The following OSBPL6 variants were observed in gnomAD, a reference collection of about 807,000 sequenced individuals.
The protein encoded by OSBPL6 is oxysterol binding protein like 6, also known as oxysterol-binding protein-related protein 6.
OSBPL6 carries 49 observed loss-of-function variants against 125.8 expected under a neutral mutation model. The observed-to-expected ratio is 0.39, with a 90% confidence interval of 0.31 to 0.49. The LOEUF is 0.49. Among genes scored for constraint, OSBPL6 ranks in the 20% least tolerant of loss-of-function variants. The pLI, the probability that OSBPL6 is intolerant of heterozygous loss-of-function variation, is 0.88. For synonymous variants in OSBPL6, 394 were observed against 391.8 expected, an observed-to-expected ratio of 1.01 and a Z score of -0.07; for missense variants, 986 against 1,135.4, an observed-to-expected ratio of 0.87 and a Z score of 1.89.
chr2:178,344,268 T>G lies in OSBPL6; in HGVS notation c.987+4504T>G, dbSNP rs1559271279. ...CCCCGTCCTGTGTTTCCTCCCCTCT[T>G]CTCCCATTCACCGTCAGGAAGGGCC... On this transcript the variant is annotated intron_variant, in intron 11 of 24. Coordinates refer to ENST00000190611, the MANE Select transcript of OSBPL6 (RefSeq NM_032523.4). The G allele has an allele frequency of 3.1e-6, 5 of 1,609,920 alleles. No individual in the cohort carries two copies. In the South Asian group the frequency reaches 5.5e-5, roughly 18 times the overall value.
intron 3 of OSBPL6, among the ~76,000 whole-genome samples, chr2:178,309,996 C>T (rs961959931): frequency 2.6e-5 from 4 of 152,124 alleles, no homozygotes; most frequent in Non-Finnish European, 5.9e-5. Flanking sequence ...TTAAGGACAC[C>T]GATAAGTCCC....
intron 2 of OSBPL6, among the ~76,000 whole-genome samples, chr2:178,302,590 T>TA (rs1044979152): frequency 5.9e-5 from 9 of 152,058 alleles, no homozygotes; most frequent in Admixed American, 1.3e-4. Context: ...CCCTTTCTGT[T>TA]AAAAAAAATA....
At chr2:178,346,833 C>T (rs980141356) in intron 11 of OSBPL6, among the ~76,000 whole-genome samples, 2 of 152,042 alleles carry the variant, frequency 1.3e-5, no homozygotes, top group African/African-American at 4.8e-5. Context: ...TCATGAATTC[C>T]TCAATTAAAA....
intron 18 of OSBPL6, among the ~76,000 whole-genome samples, chr2:178,384,443 C>T (rs930994665): frequency 4.6e-5 from 7 of 152,082 alleles, no homozygotes; most frequent in Non-Finnish European, 8.8e-5. Flanking sequence ...GAGATATGCA[C>T]CATCAATCAA....
chr2:178,384,201 G>C, intron 18 of OSBPL6, 25 bp downstream of exon 18: 1 of 1,607,776 alleles, frequency 6.2e-7, no homozygotes, highest in Non-Finnish European at 8.5e-7. Context: ...ACTCAGTGAG[G>C]TTTCTATATA....
chr2:178,310,479 G>A (rs759400174), intron 3 of OSBPL6, among the ~76,000 whole-genome samples: 7 of 143,632 alleles, frequency 4.9e-5, no homozygotes, highest in South Asian at 4.5e-4. Flanking sequence ...GTGCAGTGGC[G>A]CGATCTCGGC....
At position 178,349,256 on chromosome 2, in the gene OSBPL6, C is replaced by T. The variant is rs1433322043; in HGVS notation, c.1020C>T (p.Arg340=). 1.2e-6 allele frequency: 2 copies of T among 1,614,026 alleles called. No homozygotes were observed. The highest frequency in any genetic ancestry group is 8.5e-7 in the Non-Finnish European group (1 of 1,180,008). The change falls in exon 12 of 25, where the codon CGC becomes CGT. Residue 340 remains arginine (R), a synonymous_variant. Transcript: ENST00000190611. ...VPFSATMSPV[R]LHSSNPNLCA... is the part of the protein sequence containing the mutation. Reference sequence around the variant, plus strand: ...TCAGTGCTACCATGTCACCAGTTCGCTTGCATTCCTCCAACCCCAACCTTT... The same window carrying T: ...TCAGTGCTACCATGTCACCAGTTCGTTTGCATTCCTCCAACCCCAACCTTT...
At chr2:178,219,561 G>A (rs897351574) in intron 1 of OSBPL6, among the ~76,000 whole-genome samples, 1 of 152,216 alleles carries the variant, frequency 6.6e-6, no homozygotes, top group East Asian at 1.9e-4. Flanking sequence ...AGGCTAGGGT[G>A]TTGGGGAGGG....
At chr2:178,279,677 C>T (rs1271033288) in intron 1 of OSBPL6, among the ~76,000 whole-genome samples, 5 of 152,180 alleles carry the variant, frequency 3.3e-5, no homozygotes, top group South Asian at 4.1e-4. Flanking sequence ...TGCACACACA[C>T]GCATGCACGC....
At chr2:178,351,926 A>G (rs563693311) in intron 12 of OSBPL6, among the ~76,000 whole-genome samples, 1 of 152,312 alleles carries the variant, frequency 6.6e-6, no homozygotes, top group East Asian at 1.9e-4. Context: ...TAATCTGTAC[A>G]ATGAACCTCC....
At chr2:178,339,207 G>A (rs1204632104) in intron 10 of OSBPL6, 113 bp downstream of exon 10, 3 of 550,930 alleles carry the variant, frequency 5.4e-6, no homozygotes, top group South Asian at 3.6e-5. Context: ...CTGCAATACA[G>A]ACATTCATTT....
chr2:178,332,353 T>A (rs1019034217), intron 6 of OSBPL6, among the ~76,000 whole-genome samples: 2 of 152,234 alleles, frequency 1.3e-5, no homozygotes, highest in Admixed American at 1.3e-4. Flanking sequence ...TTTGGGAGAA[T>A]ATAAGCTGTG....
At chr2:178,363,875 G>A (rs1038553249) in intron 13 of OSBPL6, among the ~76,000 whole-genome samples, 10 of 152,062 alleles carry the variant, frequency 6.6e-5, no homozygotes, top group East Asian at 1.9e-4. Flanking sequence ...CAAATAGACC[G>A]TTACAGCCTA....
chr2:178,303,973 A>G (rs1017557374), intron 2 of OSBPL6, among the ~76,000 whole-genome samples: 1 of 152,192 alleles, frequency 6.6e-6, no homozygotes, highest in Non-Finnish European at 1.5e-5. Context: ...GCTTATGATA[A>G]AAATCAAAAT....
At chr2:178,244,852 T>C (rs2091433991) in intron 1 of OSBPL6, among the ~76,000 whole-genome samples, 1 of 152,214 alleles carries the variant, frequency 6.6e-6, no homozygotes, top group African/African-American at 2.4e-5. Flanking sequence ...AATAATTTCC[T>C]GCTTTGGTAA....
intron 12 of OSBPL6, among the ~76,000 whole-genome samples, chr2:178,355,445 G>T (rs1279414742): frequency 6.6e-6 from 1 of 152,186 alleles, no homozygotes; most frequent in Admixed American, 6.5e-5. Flanking sequence ...TGCCATCAGA[G>T]AATACTATAA....
intron 2 of OSBPL6, among the ~76,000 whole-genome samples, chr2:178,298,053 C>T (rs1685922913): frequency 6.6e-6 from 1 of 152,172 alleles, no homozygotes; most frequent in African/African-American, 2.4e-5. Flanking sequence ...AACCACCATT[C>T]TACCTTCTGT....
intron 1 of OSBPL6, among the ~76,000 whole-genome samples, chr2:178,252,320 C>A (rs1197391461): frequency 3.1e-5 from 3 of 95,960 alleles, no homozygotes; most frequent in Non-Finnish European, 6.4e-5. Flanking sequence ...ATTGGCCATA[C>A]CTTCTGTTGC....
At chr2:178,370,403 T>G (rs1011523432) in intron 13 of OSBPL6, among the ~76,000 whole-genome samples, 19 of 152,198 alleles carry the variant, frequency 1.2e-4, no homozygotes, top group African/African-American at 4.6e-4. Context: ...TGCATTTACT[T>G]GTAGGCAGAG....
Sources: allele counts gnomAD v4.1 joint callset (sites outside exome capture counted in the v4.1 genomes callset), GRCh38; gene constraint gnomAD v4.1.1; transcripts MANE v1.5; gene names NCBI Gene and HGNC (gene_info 2026-07-23, HGNC 2026-07-21).